DISP3: variants seen among roughly 807,000 people sequenced by gnomAD.
DISP3 encodes the protein dispatched RND transporter family member 3.
Under a neutral mutation model 135.3 loss-of-function variants are expected in DISP3, and 101 were observed. The observed-to-expected ratio is 0.75, with a 90% confidence interval of 0.64 to 0.88. The LOEUF (loss-of-function observed/expected upper bound fraction) is 0.88. Ranked by LOEUF, DISP3 falls within the 40% of genes least tolerant of loss-of-function variation. The pLI is 0.00. For missense variants in DISP3, 1,713 were observed against 1,878.6 expected (o/e 0.91, Z 1.63); for synonymous variants, 856 against 817.0 (o/e 1.05, Z -0.81).
In DISP3 at chr1:11,536,564, C is replaced by T. The variant is rs374220301; in HGVS notation, c.4057C>T (p.Arg1353Trp). 1.7e-5 allele frequency: 28 copies of T among 1,612,474 alleles called. No homozygotes were observed. The highest frequency in any genetic ancestry group is 7.7e-5 in the South Asian group (7 of 91,072). ...GGCGCCCAGCTCTTTCACTCGGACC[C>T]GGACTTCCTTCCTCAAGGCCCTGGG... ...IMAPSSFTRT[R>W]TSFLKALGAV... Residue 1353 changes from arginine (R) to tryptophan (W), a missense_variant, in exon 21 of 21, where the codon CGG (arginine) becomes TGG (tryptophan). Physicochemically the swap from Arg to Trp is moderately radical, Grantham distance 101 (BLOSUM62 -3). Transcript: ENST00000294484. The surrounding 1 kb of genome is among the most constrained non-coding windows in gnomAD (Gnocchi z 4.3).
intron 1 of DISP3, among the ~76,000 whole-genome samples, chr1:11,479,954 G>A (rs1283067607): frequency 6.6e-6 from 1 of 152,226 alleles, no homozygotes; most frequent in African/African-American, 2.4e-5. Context: ...GGATCCGCGC[G>A]CGCGAGGGTC....
Position 11,515,996 on chromosome 1 carries a change from C to T in DISP3, c.1589-5C>T. On this transcript the variant is annotated splice_polypyrimidine_tract_variant and splice_region_variant and intron_variant, in intron 5 of 20. Transcript: ENST00000294484. The stretch of plus-strand genomic sequence containing the variant: ...CTGAGCCTGGCTGGGGACTCCCTCC[C>T]ACAGGTGTGGACGATGTCTTTGTGT... 1.2e-6 allele frequency: 2 copies of T among 1,613,506 alleles called. No individual in the cohort carries two copies. Among genetic ancestry groups the T allele is most frequent in the Non-Finnish European group, 1.7e-6 (2 of 1,179,674 alleles).
At position 11,536,721 on chromosome 1, in the gene DISP3, C is replaced by A; in HGVS notation, c.*35C>A. The A allele has an allele frequency of 6.7e-7, 1 of 1,489,148 alleles. No homozygotes were observed. The highest frequency in any genetic ancestry group is 1.3e-5 in the South Asian group (1 of 74,156). The allele number at this position is 1,489,148 out of a possible 1,614,324, so 92.2% of individuals were successfully genotyped here. A position where few individuals can be genotyped will look rare whatever the true frequency, so the allele number is the denominator to read the frequency against. ...GGCTCTGGACACTTGCACCTTTGGT[C>A]CCATGGGTGGGGGACAGGAGCTGCT... On this transcript the variant is annotated 3_prime_UTR_variant, in exon 21 of 21. Transcript: ENST00000294484. The surrounding 1 kb of genome is among the most constrained non-coding windows in gnomAD (Gnocchi z 4.3).
In DISP3 at chr1:11,535,482, C is replaced by T. The variant is rs539420524; in HGVS notation, c.3654C>T (p.Ile1218=). The stretch of plus-strand genomic sequence containing the variant: ...CCCCCTGCTGTCTCCTTGCAGGCAT[C>T]GTGTGCCTGGTGGTGACCATCATGT... ...LLPVLLSILG[I]VCLVVTIMYW... The change falls in exon 20 of 21, where the codon ATC becomes ATT. Residue 1218 remains isoleucine (I), a synonymous_variant. Transcript: ENST00000294484. The T allele has an allele frequency of 3.7e-6, 6 of 1,606,156 alleles. No individual in the cohort carries two copies. The highest frequency in any genetic ancestry group is 3.3e-5 in the Admixed American group (2 of 59,820).
In DISP3 at chr1:11,531,413, C is replaced by T. The variant is rs1373100463; in HGVS notation, c.3230-152C>T. On this transcript the variant is annotated intron_variant, in intron 16 of 20. Transcript: ENST00000294484. This position sits in a 1 kb window ranked among gnomAD's most constrained non-coding sequence, Gnocchi z 5.2. ...CACAGGTCATGTTCCACCCCGATGG[C>T]AAATGCATGTTGTAGGTTTCCCAAT... 3.5e-6 allele frequency: 4 copies of T among 1,142,180 alleles called. No individual in the cohort carries two copies. Among genetic ancestry groups the T allele is most frequent in the Non-Finnish European group, 5.0e-6 (4 of 798,422 alleles). The allele number at this position is 1,142,180 out of a possible 1,614,324, so 70.8% of individuals were successfully genotyped here. A position where few individuals can be genotyped will look rare whatever the true frequency, so the allele number is the denominator to read the frequency against.
intron 15 of DISP3, 109 bp downstream of exon 15, chr1:11,530,068 C>A: frequency 7.0e-7 from 1 of 1,432,956 alleles, no homozygotes; most frequent in Admixed American, 2.1e-5. Context: ...CTCTTGGCTC[C>A]TCAATGGCTC....
In DISP3 at chr1:11,534,475, G is replaced by A; in HGVS notation, c.3470G>A (p.Gly1157Asp). Residue 1157 changes from glycine (G) to aspartate (D), a missense_variant, in exon 18 of 21, where the codon GGC becomes GAC. Transcript: ENST00000294484. ...CAGCAGCTGCAGGCCTTGCCCGAGG[G>A]CTCAGTCCTGCGCCGGGGCTTCCAG... ...LQQQLQALPEGSVLRRGFQTC... is the reference protein window; with the variant it reads ...LQQQLQALPEDSVLRRGFQTC... 1 of 1,614,128 alleles carries A rather than the reference G, an allele frequency of 6.2e-7. No homozygotes were observed. Among genetic ancestry groups the A allele is most frequent in the Non-Finnish European group, 8.5e-7 (1 of 1,180,038 alleles).
intron 1 of DISP3, among the ~76,000 whole-genome samples, chr1:11,492,288 T>C (rs1641209825): frequency 6.6e-6 from 1 of 152,132 alleles, no homozygotes; most frequent in South Asian, 2.1e-4. Flanking sequence ...ACAGGAAAAG[T>C]GATAGTGGCT....
Position 11,514,387 on chromosome 1 carries a change from C to T in DISP3, c.1317-3C>T, listed in dbSNP as rs562130583. ...CTTTTCTCCACGTCCTCCCTTCCCC[C>T]AGCAAAGTCCAGGTTCTCTATGGGG... On this transcript the variant is annotated splice_polypyrimidine_tract_variant and splice_region_variant and intron_variant, in intron 3 of 20. Transcript: ENST00000294484. 7 of 1,608,712 alleles carry T rather than the reference C, an allele frequency of 4.4e-6. No homozygotes were observed. In the East Asian group the frequency reaches 1.6e-4, roughly 36 times the overall value.
Position 11,535,776 on chromosome 1 carries a change from C to A in DISP3, c.3816+132C>A, listed in dbSNP as rs562568860. The stretch of plus-strand genomic sequence containing the variant: ...CCCCATGCAGGCTGTGTTCTAGAAA[C>A]TAAGGTTTCCCAAAGCTGATCCCCA... On this transcript the variant is annotated intron_variant, in intron 20 of 20. Coordinates refer to ENST00000294484, the MANE Select transcript of DISP3 (RefSeq NM_020780.2). The A allele has an allele frequency of 8.7e-5, 107 of 1,223,510 alleles. No homozygotes were observed. The East Asian group carries it at 2.5e-3, about 29-fold the overall frequency. The allele number at this position is 1,223,510 out of a possible 1,614,324, so 75.8% of individuals were successfully genotyped here. A position where few individuals can be genotyped will look rare whatever the true frequency, so the allele number is the denominator to read the frequency against.
chr1:11,513,678 A>G (rs1641921349), intron 3 of DISP3, among the ~76,000 whole-genome samples: 1 of 152,042 alleles, frequency 6.6e-6, no homozygotes, highest in Admixed American at 6.5e-5. Context: ...AAGTTTGGAA[A>G]TTTTTCAGCC....
chr1:11,488,203 G>A (rs149713533), intron 1 of DISP3, among the ~76,000 whole-genome samples: 1 of 152,188 alleles, frequency 6.6e-6, no homozygotes, highest in African/African-American at 2.4e-5. Context: ...AGAGTTGGAG[G>A]GGGTCAGTAC....
chr1:11,505,567 C>T (rs888045410), intron 3 of DISP3, among the ~76,000 whole-genome samples: 18 of 152,198 alleles, frequency 1.2e-4, no homozygotes, highest in African/African-American at 3.9e-4. Context: ...TTGACTTAAG[C>T]GCTTTTGGAT....
At chr1:11,515,254 T>C (rs1244890733) in intron 4 of DISP3, 115 bp from the exon 5 acceptor site, 3 of 1,394,328 alleles carry the variant, frequency 2.2e-6, no homozygotes, top group Non-Finnish European at 2.9e-6. Flanking sequence ...GAGTGGTGAA[T>C]GGTGACCAGG....
At chr1:11,522,772 A>ACCCAGCCAGAG (rs1642266253) in intron 10 of DISP3, among the ~76,000 whole-genome samples, 1 of 14,962 alleles carries the variant, frequency 6.7e-5, no homozygotes, top group South Asian at 2.1e-3. Flanking sequence ...CCCAGCCAGG[A>ACCCAGCCAGAG]CCCAGCCAGG....
At position 11,520,628 on chromosome 1, in the gene DISP3, C is replaced by T; in HGVS notation, c.2201-59C>T. ...AGTTGTCTCCCGGCACTTTGGAGCC[C>T]CACTGGGAACAGACCAGCTGGGCCC... On this transcript the variant is annotated intron_variant, in intron 9 of 20. Coordinates refer to ENST00000294484, the MANE Select transcript of DISP3 (RefSeq NM_020780.2). This position sits in a 1 kb window ranked among gnomAD's most constrained non-coding sequence, Gnocchi z 4.8. The T allele has an allele frequency of 6.4e-7, 1 of 1,564,048 alleles. No individual in the cohort carries two copies. The highest frequency in any genetic ancestry group is 1.4e-5 in the African/African-American group (1 of 73,938).
rs978692477 is a variant in DISP3, at chr1:11,520,621, T to A, written c.2201-66T>A. On this transcript the variant is annotated intron_variant, in intron 9 of 20. Transcript: ENST00000294484. This position sits in a 1 kb window ranked among gnomAD's most constrained non-coding sequence, Gnocchi z 4.8. ...CCAGAGCAGTTGTCTCCCGGCACTTTGGAGCCCCACTGGGAACAGACCAGC... is the reference window on the plus strand; with the variant it reads ...CCAGAGCAGTTGTCTCCCGGCACTTAGGAGCCCCACTGGGAACAGACCAGC... 3 of 1,548,980 alleles carry A rather than the reference T, an allele frequency of 1.9e-6. No individual in the cohort carries two copies. Among genetic ancestry groups the A allele is most frequent in the Non-Finnish European group, 2.6e-6 (3 of 1,138,160 alleles).
At chr1:11,479,828 C>T (rs1230046388) in intron 1 of DISP3, among the ~76,000 whole-genome samples, 1 of 152,192 alleles carries the variant, frequency 6.6e-6, no homozygotes, top group South Asian at 2.1e-4. Flanking sequence ...TGACCCCCTC[C>T]ACCCACTCCC....
intron 3 of DISP3, among the ~76,000 whole-genome samples, chr1:11,509,272 T>C (rs1194375557): frequency 6.6e-6 from 1 of 152,192 alleles, no homozygotes. Flanking sequence ...TTTTGTGTGA[T>C]ATAAGTTCTT....
Sources: allele counts gnomAD v4.1 joint callset (sites outside exome capture counted in the v4.1 genomes callset), GRCh38; gene constraint gnomAD v4.1.1; non-coding constraint Gnocchi (gnomAD v3.1); transcripts MANE v1.5; gene names NCBI Gene and HGNC (gene_info 2026-07-23, HGNC 2026-07-21).